The following LARGE1 variants were observed in gnomAD, a reference collection of about 807,000 sequenced individuals.
LARGE1 encodes LARGE xylosyl- and glucuronyltransferase 1, also known as xylosyl- and glucuronyltransferase LARGE1.
In LARGE1, 43 loss-of-function variants were observed where a neutral mutation model predicts 87.6. The ratio of observed to expected loss-of-function variants is 0.49; its 90% CI spans 0.38 to 0.63. LARGE1 has a LOEUF of 0.63. Among genes scored for constraint, LARGE1 ranks in the 30% least tolerant of loss-of-function variants. LARGE1 has a pLI of 0.00. For missense variants in LARGE1, 802 were observed against 1,000.2 expected (o/e 0.80, Z 2.67); for synonymous variants, 434 against 394.6 (o/e 1.10, Z -1.18).
At chr22:33,337,379 T>C (rs1022200602) in intron 10 of LARGE1, among the ~76,000 whole-genome samples, 3 of 152,170 alleles carry the variant, frequency 2.0e-5, no homozygotes, top group Non-Finnish European at 4.4e-5. Context: ...GGTGGTTTTG[T>C]TCATTCTGTT....
chr22:33,476,252 A>G (rs2069073578), intron 6 of LARGE1, among the ~76,000 whole-genome samples: 1 of 152,210 alleles, frequency 6.6e-6, no homozygotes. Context: ...CCTCTGCCCT[A>G]TTTATGTAAA....
intron 1 of LARGE1, among the ~76,000 whole-genome samples, chr22:33,779,151 T>C (rs2085339971): frequency 6.6e-6 from 1 of 152,220 alleles, no homozygotes; most frequent in South Asian, 2.1e-4. Context: ...TCGCTCTGCA[T>C]ACATGGGATT....
intron 11 of LARGE1, among the ~76,000 whole-genome samples, chr22:33,211,080 C>T (rs1359234789): frequency 6.6e-6 from 1 of 152,136 alleles, no homozygotes; most frequent in Non-Finnish European, 1.5e-5. Flanking sequence ...TGGTAATTCT[C>T]AAGTATTTCA....
At chr22:33,610,278 G>C (rs1488174811) in intron 4 of LARGE1, among the ~76,000 whole-genome samples, 1 of 152,218 alleles carries the variant, frequency 6.6e-6, no homozygotes, top group East Asian at 1.9e-4. Flanking sequence ...ACTTCTTATA[G>C]ACTGGTTTAA....
At chr22:33,589,374 G>T (rs130424) in intron 5 of LARGE1, among the ~76,000 whole-genome samples, 89,608 of 151,926 alleles carry the variant, frequency 0.59, 26,918 homozygotes, top group African/African-American at 0.72. Flanking sequence ...TTACCATTTT[G>T]CAAATTTATA....
chr22:33,802,933 A>C (rs528323352), intron 1 of LARGE1, among the ~76,000 whole-genome samples: 2 of 152,312 alleles, frequency 1.3e-5, no homozygotes, highest in South Asian at 4.1e-4. Context: ...GAATGTAACA[A>C]GCTGCCTGGC....
intron 1 of LARGE1, among the ~76,000 whole-genome samples, chr22:33,891,468 T>A (rs1386262084): frequency 6.7e-6 from 1 of 149,322 alleles, no homozygotes; most frequent in Non-Finnish European, 1.5e-5. Flanking sequence ...ATTGAGAGGA[T>A]GCCATTCTAT....
intron 2 of LARGE1, among the ~76,000 whole-genome samples, chr22:33,722,606 T>C (rs1047079265): frequency 3.3e-5 from 5 of 152,098 alleles, no homozygotes; most frequent in African/African-American, 7.2e-5. Context: ...TAGAATTGAA[T>C]GAACACTCAA....
chr22:33,354,516 C>T (rs1940707570), intron 9 of LARGE1, among the ~76,000 whole-genome samples: 2 of 152,202 alleles, frequency 1.3e-5, no homozygotes, highest in African/African-American at 4.8e-5. Flanking sequence ...TGAAAAGTCA[C>T]AGTTTCCGTT....
the LARGE1 span, among the ~76,000 whole-genome samples, chr22:33,106,695 C>T: frequency 4.6e-5 from 7 of 152,096 alleles, no homozygotes; most frequent in Non-Finnish European, 5.9e-5. Flanking sequence ...GGGGTTTCAC[C>T]ATGTTGCCCA....
chr22:33,806,238 AT>A (rs2086305751), intron 1 of LARGE1, among the ~76,000 whole-genome samples: 1 of 152,214 alleles, frequency 6.6e-6, no homozygotes, highest in African/African-American at 2.4e-5. Context: ...TTTGCTAGAA[AT>A]TAAGTTTATG....
At chr22:33,671,622 A>C (rs2081415902) in intron 2 of LARGE1, among the ~76,000 whole-genome samples, 1 of 152,212 alleles carries the variant, frequency 6.6e-6, no homozygotes, top group Non-Finnish European at 1.5e-5. Context: ...TATGAAGAGA[A>C]AGAGCTATAT....
rs570749859 is a variant in LARGE1 at position 33,384,690 on chromosome 22, G to A, written c.893-386C>T. Among the ~76,000 whole-genome samples the A allele has an allele frequency of 8.8e-5, 13 of 148,522 alleles. 1 individual carries two copies. Among genetic ancestry groups the A allele is most frequent in the Non-Finnish European group, 1.4e-4 (9 of 66,410 alleles). On this transcript the variant is annotated intron_variant, in intron 7 of 14. Transcript: ENST00000397394. ...ATGGAGATGGACAGTGGTGGTGGCCGCACAACAATGTGAATGGACTTCATG... is the reference window on the plus strand; with the variant it reads ...ATGGAGATGGACAGTGGTGGTGGCCACACAACAATGTGAATGGACTTCATG...
At chr22:33,508,134 T>C (rs2070854057) in intron 6 of LARGE1, among the ~76,000 whole-genome samples, 1 of 152,216 alleles carries the variant, frequency 6.6e-6, no homozygotes, top group Non-Finnish European at 1.5e-5. Flanking sequence ...GAGATGAGCT[T>C]TGATCACAGT....
chr22:33,706,641 G>T (rs576818745), intron 2 of LARGE1, among the ~76,000 whole-genome samples: 102 of 152,300 alleles, frequency 6.7e-4, no homozygotes, highest in Non-Finnish European at 1.4e-3. Context: ...CAACTAAATC[G>T]CTTTAAAGAA....
At chr22:33,696,493 C>G (rs2082255943) in intron 2 of LARGE1, among the ~76,000 whole-genome samples, 1 of 152,028 alleles carries the variant, frequency 6.6e-6, no homozygotes, top group Non-Finnish European at 1.5e-5. Flanking sequence ...GAGCTCCTGA[C>G]CTCAATCAAT....
intron 2 of LARGE1, among the ~76,000 whole-genome samples, chr22:33,720,187 C>T (rs1000222674): frequency 5.9e-5 from 9 of 152,056 alleles, no homozygotes; most frequent in African/African-American, 2.2e-4. Flanking sequence ...TTAGACAGTC[C>T]CATCTGGGGG....
At chr22:33,176,124 C>G (rs1602048136) in intron 11 of LARGE1, among the ~76,000 whole-genome samples, 1 of 152,104 alleles carries the variant, frequency 6.6e-6, no homozygotes, top group East Asian at 1.9e-4. Context: ...AAAATGGACC[C>G]CTTCCTTACA....
chr22:33,315,517 C>T (rs1936060458), intron 11 of LARGE1, among the ~76,000 whole-genome samples: 1 of 152,248 alleles, frequency 6.6e-6, no homozygotes, highest in Non-Finnish European at 1.5e-5. Context: ...GGCTCTACTT[C>T]TTAAGAATCG....
Sources: allele counts gnomAD v4.1 joint callset (sites outside exome capture counted in the v4.1 genomes callset), GRCh38; gene constraint gnomAD v4.1.1; transcripts MANE v1.5; gene names NCBI Gene and HGNC (gene_info 2026-07-23, HGNC 2026-07-21).